Variants in ADGRL3 observed in about 807,000 individuals in gnomAD.
The protein encoded by ADGRL3 is calcium-independent alpha-latrotoxin receptor 3.
A neutral mutation model predicts 153.5 loss-of-function variants in ADGRL3; 62 were observed. The ratio of observed to expected loss-of-function variants is 0.40; its 90% CI spans 0.33 to 0.50. The LOEUF is 0.50. Ranked by LOEUF, ADGRL3 falls within the 20% of genes least tolerant of loss-of-function variation. The pLI, the probability that ADGRL3 is intolerant of heterozygous loss-of-function variation, is 0.47. For missense variants in ADGRL3, 1,641 were observed against 1,859.4 expected, an observed-to-expected ratio of 0.88 and a Z score of 2.16; for synonymous variants, 710 against 672.5, an observed-to-expected ratio of 1.06 and a Z score of -0.86.
At chr4:61,632,300 T>C (rs2093213826) in intron 5 of ADGRL3, among the ~76,000 whole-genome samples, 1 of 152,188 alleles carries the variant, frequency 6.6e-6, no homozygotes, top group African/African-American at 2.4e-5. Context: ...TATATATATA[T>C]TGTGAAAGTC....
At chr4:61,902,785 C>T (rs2098671643) in intron 11 of ADGRL3, among the ~76,000 whole-genome samples, 2 of 152,138 alleles carry the variant, frequency 1.3e-5, no homozygotes, top group African/African-American at 4.8e-5. Flanking sequence ...AAATTATTCC[C>T]TAATCACATA....
At chr4:61,517,275 G>A (rs768937461) in intron 3 of ADGRL3, 40 bp from the exon 4 acceptor site, 5 of 699,418 alleles carry the variant, frequency 7.1e-6, no homozygotes, top group South Asian at 5.9e-5. Context: ...CGGGACTGAG[G>A]TGAGCAGGGG....
chr4:61,769,450 C>T (rs1345268269), intron 8 of ADGRL3, among the ~76,000 whole-genome samples: 5 of 150,246 alleles, frequency 3.3e-5, no homozygotes, highest in East Asian at 2.0e-4. Context: ...GACCTGAGGT[C>T]GTAGGTGGAT....
intron 11 of ADGRL3, among the ~76,000 whole-genome samples, chr4:61,902,996 T>C (rs1369132906): frequency 6.6e-6 from 1 of 152,144 alleles, no homozygotes; most frequent in African/African-American, 2.4e-5. Context: ...AGAGAACAAA[T>C]GAATATGTAG....
At chr4:61,768,285 C>T (rs1019328949) in intron 8 of ADGRL3, among the ~76,000 whole-genome samples, 2 of 152,042 alleles carry the variant, frequency 1.3e-5, no homozygotes, top group Non-Finnish European at 1.5e-5. Context: ...AAAAAGATTA[C>T]AGGGTGGAGG....
At chr4:61,755,339 T>C (rs541186959) in intron 8 of ADGRL3, among the ~76,000 whole-genome samples, 1 of 152,210 alleles carries the variant, frequency 6.6e-6, no homozygotes, top group Non-Finnish European at 1.5e-5. Context: ...TATCTCACTG[T>C]GGTTTTGATT....
At position 61,947,039 on chromosome 4, in the gene ADGRL3, G is replaced by A. The variant is rs767309934; in HGVS notation, c.2545G>A (p.Val849Ile). The change falls in exon 16 of 27, where the codon GTT (valine) becomes ATT (isoleucine). Residue 849 changes from valine to isoleucine, a missense_variant. By Grantham distance (29) the Val-to-Ile change is conservative. Coordinates refer to ENST00000683033, the MANE Select transcript of ADGRL3 (RefSeq NM_001387552.1). ...TNHSVIVNSPVITAAINKEFS... is the reference protein window; with the variant it reads ...TNHSVIVNSPIITAAINKEFS... ...TCATTCTGTTATTGTCAATTCCCCTGTTATTACGGCAGCAATAAACAAAGA... is the reference window on the plus strand; with the variant it reads ...TCATTCTGTTATTGTCAATTCCCCTATTATTACGGCAGCAATAAACAAAGA... 1 of 1,613,754 alleles carries A rather than the reference G, an allele frequency of 6.2e-7. No individual in the cohort carries two copies. The highest frequency in any genetic ancestry group is 8.5e-7 in the Non-Finnish European group (1 of 1,179,774).
chr4:61,323,272 G>A (rs2150802195), intron 1 of ADGRL3, among the ~76,000 whole-genome samples: 1 of 152,224 alleles, frequency 6.6e-6, no homozygotes, highest in Non-Finnish European at 1.5e-5. Context: ...GTGATGGGAG[G>A]GGCTGCTGCA....
At chr4:61,888,073 A>G (rs142781997) in intron 9 of ADGRL3, among the ~76,000 whole-genome samples, 1 of 152,190 alleles carries the variant, frequency 6.6e-6, no homozygotes, top group Non-Finnish European at 1.5e-5. Context: ...AGGAGAATTA[A>G]AATTTTCTTT....
intron 9 of ADGRL3, among the ~76,000 whole-genome samples, chr4:61,883,122 C>A (rs957460715): frequency 2.0e-5 from 3 of 152,062 alleles, no homozygotes; most frequent in African/African-American, 4.8e-5. Context: ...TCTCAAAAAA[C>A]GAAACAAAAC....
chr4:61,761,527 C>T (rs1041850865), intron 8 of ADGRL3, among the ~76,000 whole-genome samples: 1 of 152,094 alleles, frequency 6.6e-6, no homozygotes. Context: ...GCATGGGTGG[C>T]TCATGCCCTT....
chr4:61,705,452 T>G (rs188712374), intron 6 of ADGRL3, among the ~76,000 whole-genome samples: 72 of 148,608 alleles, frequency 4.8e-4, no homozygotes, highest in Non-Finnish European at 9.2e-4. Flanking sequence ...GTTACATATA[T>G]ATTTATATAT....
At chr4:61,785,129 G>T (rs1044659854) in intron 8 of ADGRL3, among the ~76,000 whole-genome samples, 1 of 152,034 alleles carries the variant, frequency 6.6e-6, no homozygotes, top group Non-Finnish European at 1.5e-5. Context: ...AAATAAAGGG[G>T]GTTAGGAGGG....
chr4:61,992,406 A>C (rs1016968127), intron 19 of ADGRL3, among the ~76,000 whole-genome samples: 1 of 152,204 alleles, frequency 6.6e-6, no homozygotes, highest in African/African-American at 2.4e-5. Flanking sequence ...TAAAGGCTGA[A>C]TGAATTGTTT....
At chr4:61,953,744 G>T (rs572793989) in intron 17 of ADGRL3, among the ~76,000 whole-genome samples, 36 of 152,292 alleles carry the variant, frequency 2.4e-4, no homozygotes, top group African/African-American at 8.4e-4. Flanking sequence ...GATCATCTGT[G>T]TGACCCAGGA....
At chr4:62,014,469 G>C (rs1197380536) in intron 21 of ADGRL3, among the ~76,000 whole-genome samples, 1 of 152,056 alleles carries the variant, frequency 6.6e-6, no homozygotes, top group Non-Finnish European at 1.5e-5. Context: ...TCAGAAGAAT[G>C]GAAGGAATAG....
Position 61,876,736 on chromosome 4 carries a change from A to AAAAT in ADGRL3, c.1481-15917_1481-15916insTAAA, listed in dbSNP as rs1554053427. On this transcript the variant is annotated intron_variant, in intron 9 of 26. Coordinates refer to ENST00000683033, the MANE Select transcript of ADGRL3 (RefSeq NM_001387552.1). ...ACCCTAAAACTTAAAGTATAATAAA[A>AAAAT]AAAATAAAATAAAATAAAATAAAAT... Among the ~76,000 whole-genome samples the AAAAT allele has an allele frequency of 2.6e-5, 4 of 151,742 alleles. No homozygotes were observed. The South Asian group carries it at 8.3e-4, about 31-fold the overall frequency.
At chr4:61,990,880 G>A (rs747024285) in intron 19 of ADGRL3, among the ~76,000 whole-genome samples, 18 of 151,612 alleles carry the variant, frequency 1.2e-4, no homozygotes, top group South Asian at 2.1e-4. Flanking sequence ...TAGTTTACCC[G>A]AGTATCACAT....
rs1050664626 is a variant in ADGRL3 at position 61,674,418 on chromosome 4, A to G, written c.474-2408A>G. 2.6e-5 allele frequency among the ~76,000 whole-genome samples: 4 copies of G among 151,684 alleles called. No individual in the cohort carries two copies. The South Asian group carries it at 8.3e-4, about 31-fold the overall frequency. On this transcript the variant is annotated intron_variant, in intron 5 of 26. Coordinates refer to ENST00000683033, the MANE Select transcript of ADGRL3 (RefSeq NM_001387552.1). ...AGTTGCCTGTTTATACCTGAAAATT[A>G]CAAGAGTAGATATTGCTTCTAAATA...
Sources: allele counts gnomAD v4.1 joint callset (sites outside exome capture counted in the v4.1 genomes callset), GRCh38; gene constraint gnomAD v4.1.1; transcripts MANE v1.5; gene names NCBI Gene and HGNC (gene_info 2026-07-23, HGNC 2026-07-21).